Variants in CHST8 observed in about 807,000 individuals in gnomAD.
CHST8 encodes the protein carbohydrate sulfotransferase 8.
CHST8 carries 10 observed loss-of-function variants against 15.0 expected under a neutral mutation model. The ratio of observed to expected loss-of-function variants is 0.67; its 90% confidence interval spans 0.41 to 1.13. CHST8 has a LOEUF of 1.13. CHST8 is among the 50% of genes most tolerant of loss of function. The pLI is 0.00. For synonymous variants in CHST8, 259 were observed against 256.6 expected (o/e 1.01, Z -0.09); for missense variants, 634 against 608.2 (o/e 1.04, Z -0.45).
intron 1 of CHST8, among the ~76,000 whole-genome samples, chr19:33,638,037 T>A (rs1972228207): frequency 6.6e-6 from 1 of 152,100 alleles, no homozygotes; most frequent in South Asian, 2.1e-4. Flanking sequence ...CTTGCTCTCA[T>A]GTTTGTTTCC....
At chr19:33,674,181 C>T (rs1972780441) in intron 2 of CHST8, among the ~76,000 whole-genome samples, 2 of 152,224 alleles carry the variant, frequency 1.3e-5, no homozygotes, top group Non-Finnish European at 2.9e-5. Flanking sequence ...TCAGCCACTT[C>T]ACCCCAGGAG....
At chr19:33,698,167 C>T (rs1004646905) in intron 3 of CHST8, among the ~76,000 whole-genome samples, 16 of 152,158 alleles carry the variant, frequency 1.1e-4, no homozygotes, top group Admixed American at 2.6e-4. Context: ...GTCCCAGCTA[C>T]TTGGGAGACT....
chr19:33,730,008 G>C (rs1349578841), intron 3 of CHST8, among the ~76,000 whole-genome samples: 1 of 152,166 alleles, frequency 6.6e-6, no homozygotes, highest in Non-Finnish European at 1.5e-5. Flanking sequence ...CCTGTCTATA[G>C]GAGCAATGGG....
At chr19:33,645,164 G>A (rs1283640676) in intron 1 of CHST8, among the ~76,000 whole-genome samples, 1 of 152,176 alleles carries the variant, frequency 6.6e-6, no homozygotes, top group Non-Finnish European at 1.5e-5. Context: ...TGTGGGCAGA[G>A]AGGGCACCCA....
At chr19:33,649,474 C>A (rs982785329) in intron 1 of CHST8, among the ~76,000 whole-genome samples, 2 of 152,118 alleles carry the variant, frequency 1.3e-5, no homozygotes, top group Admixed American at 6.6e-5. Context: ...GCAAGCACTT[C>A]GAGGGAGGGC....
At chr19:33,636,835 A>T (rs538861842) in intron 1 of CHST8, among the ~76,000 whole-genome samples, 2 of 152,288 alleles carry the variant, frequency 1.3e-5, no homozygotes, top group Admixed American at 6.5e-5. Flanking sequence ...CGGGAGGCGA[A>T]GGTTGCAGTG....
chr19:33,699,595 G>A (rs1485069656), intron 3 of CHST8, among the ~76,000 whole-genome samples: 1 of 152,108 alleles, frequency 6.6e-6, no homozygotes, highest in Non-Finnish European at 1.5e-5. Flanking sequence ...AGCACGTGCT[G>A]CTATGCGTCA....
chr19:33,743,469 T>A (rs1197133370), intron 3 of CHST8, among the ~76,000 whole-genome samples: 1 of 151,882 alleles, frequency 6.6e-6, no homozygotes, highest in Non-Finnish European at 1.5e-5. Context: ...GCCCGGCTAA[T>A]TTTTTCTATT....
At chr19:33,689,954 G>A (rs1288213326) in intron 3 of CHST8, among the ~76,000 whole-genome samples, 1 of 152,196 alleles carries the variant, frequency 6.6e-6, no homozygotes, top group Admixed American at 6.5e-5. Flanking sequence ...GGGAACAGGT[G>A]GGATGGCAGG....
intron 3 of CHST8, among the ~76,000 whole-genome samples, chr19:33,714,899 A>G (rs1201993041): frequency 2.0e-5 from 3 of 152,132 alleles, no homozygotes; most frequent in Admixed American, 2.0e-4. Context: ...TCTTTTGTAA[A>G]TTGCCCAGTC....
intron 1 of CHST8, among the ~76,000 whole-genome samples, chr19:33,659,507 T>G (rs1352752856): frequency 6.6e-6 from 1 of 152,198 alleles, no homozygotes. Flanking sequence ...GAATCCTTAA[T>G]AATCTCAATT....
At chr19:33,708,748 A>G (rs1450664633) in intron 3 of CHST8, among the ~76,000 whole-genome samples, 3 of 152,174 alleles carry the variant, frequency 2.0e-5, no homozygotes, top group South Asian at 2.1e-4. Flanking sequence ...CAGCTCATCA[A>G]TTTCTGCCAA....
chr19:33,655,666 C>A (rs1972502500), intron 1 of CHST8, among the ~76,000 whole-genome samples: 1 of 152,122 alleles, frequency 6.6e-6, no homozygotes, highest in South Asian at 2.1e-4. Flanking sequence ...TACATTTAAT[C>A]AAGATTTTAA....
At position 33,652,067 on chromosome 19, in the gene CHST8, AT is replaced by A. The variant is rs1190644135; in HGVS notation, c.-163-15693del. On this transcript the variant is annotated intron_variant, in intron 1 of 4. Transcript: ENST00000650847. ...TTGTAATCTTACCAACTTTGACTAT[AT>A]TTTTTTGTAAAGCAATGTTATTAGG... is the stretch of plus-strand genomic sequence containing the variant. Among the ~76,000 whole-genome samples, 5 of 151,968 alleles carry A rather than the reference AT, an allele frequency of 3.3e-5. No individual in the cohort carries two copies. The East Asian group carries it at 9.6e-4, about 29-fold the overall frequency.
chr19:33,650,507 CTTTTTCTTTTCTT>C (rs1568315015), intron 1 of CHST8, among the ~76,000 whole-genome samples: 18 of 54,536 alleles, frequency 3.3e-4, no homozygotes, highest in African/African-American at 1.1e-3. Flanking sequence ...TTTTCTTTTT[CTTTTTCTTTTCTT>C]TTTTTTTTTT....
chr19:33,643,490 G>C (rs560384661), intron 1 of CHST8, among the ~76,000 whole-genome samples: 22 of 152,364 alleles, frequency 1.4e-4, no homozygotes, highest in Admixed American at 1.2e-3. Context: ...AGGCACTGCA[G>C]TTCTGCCTCC....
At chr19:33,761,319 C>A (rs1454794504) in intron 3 of CHST8, among the ~76,000 whole-genome samples, 5 of 151,810 alleles carry the variant, frequency 3.3e-5, no homozygotes, top group Admixed American at 2.0e-4. Flanking sequence ...CATAGTGAGA[C>A]CTTGCCTCTA....
intron 3 of CHST8, among the ~76,000 whole-genome samples, chr19:33,759,123 A>G (rs1483453794): frequency 6.6e-6 from 1 of 151,162 alleles, no homozygotes; most frequent in African/African-American, 2.4e-5. Flanking sequence ...TGAGCCAAAC[A>G]CCCCCCACCA....
intron 3 of CHST8, among the ~76,000 whole-genome samples, chr19:33,738,169 C>T (rs1974120546): frequency 6.6e-6 from 1 of 152,158 alleles, no homozygotes; most frequent in Non-Finnish European, 1.5e-5. Flanking sequence ...GGTTCTGTGA[C>T]CCCCGTTCAC....
Sources: allele counts gnomAD v4.1 joint callset (sites outside exome capture counted in the v4.1 genomes callset), GRCh38; gene constraint gnomAD v4.1.1; transcripts MANE v1.5; gene names NCBI Gene and HGNC (gene_info 2026-07-23, HGNC 2026-07-21).